Variants in PTPRM observed in about 807,000 individuals in gnomAD.
PTPRM encodes receptor-type tyrosine-protein phosphatase mu.
In PTPRM, 47 loss-of-function variants were observed where a neutral mutation model predicts 186.7. The ratio of observed to expected loss-of-function variants is 0.25; its 90% CI spans 0.20 to 0.32. The LOEUF (loss-of-function observed/expected upper bound fraction) is 0.32. Ranked by LOEUF, PTPRM falls within the 10% of genes least tolerant of loss-of-function variation. The pLI is 1.00. For missense variants in PTPRM, 1,494 were observed against 1,865.0 expected (o/e 0.80, Z 3.66); for synonymous variants, 668 against 674.9 (o/e 0.99, Z 0.16).
chr18:7,860,203 G>C (rs2047300079), intron 2 of PTPRM, among the ~76,000 whole-genome samples: 1 of 151,970 alleles, frequency 6.6e-6, no homozygotes, highest in Non-Finnish European at 1.5e-5. Flanking sequence ...CTCCCAAGTA[G>C]TTGGGATTAC....
At chr18:8,289,069 A>G (rs1178134879) in intron 19 of PTPRM, among the ~76,000 whole-genome samples, 2 of 152,148 alleles carry the variant, frequency 1.3e-5, no homozygotes, top group East Asian at 3.9e-4. Flanking sequence ...TTGAGGCCAA[A>G]TGGAGGCGCA....
At chr18:7,595,819 T>G (rs946196484) in intron 1 of PTPRM, among the ~76,000 whole-genome samples, 2 of 152,192 alleles carry the variant, frequency 1.3e-5, no homozygotes, top group African/African-American at 4.8e-5. Context: ...GCTGAAGCCA[T>G]TTGAGGCTTG....
chr18:8,157,479 A>G (rs1267085197), intron 14 of PTPRM, among the ~76,000 whole-genome samples: 1 of 152,198 alleles, frequency 6.6e-6, no homozygotes, highest in Non-Finnish European at 1.5e-5. Flanking sequence ...ACCCAAAGAA[A>G]CACACGGGAT....
chr18:7,987,334 C>T (rs2083017928), intron 7 of PTPRM, among the ~76,000 whole-genome samples: 1 of 152,190 alleles, frequency 6.6e-6, no homozygotes, highest in Admixed American at 6.5e-5. Context: ...TGGGTTGAAG[C>T]TGGCTAAGCC....
intron 2 of PTPRM, among the ~76,000 whole-genome samples, chr18:7,853,467 C>T (rs2046959623): frequency 6.6e-6 from 1 of 152,250 alleles, no homozygotes; most frequent in Non-Finnish European, 1.5e-5. Flanking sequence ...AGAAGTCTTA[C>T]CCCAGAGTAC....
At chr18:7,938,258 T>G (rs2051952569) in intron 5 of PTPRM, among the ~76,000 whole-genome samples, 1 of 152,192 alleles carries the variant, frequency 6.6e-6, no homozygotes, top group Non-Finnish European at 1.5e-5. Flanking sequence ...TTTAACCTCC[T>G]TTATCTTACA....
intron 2 of PTPRM, among the ~76,000 whole-genome samples, chr18:7,869,250 A>G (rs2047866384): frequency 6.6e-6 from 1 of 152,154 alleles, no homozygotes; most frequent in African/African-American, 2.4e-5. Flanking sequence ...GGTATGAAAC[A>G]AAACTCCTGC....
chr18:8,227,968 G>A (rs2094235437), intron 14 of PTPRM, among the ~76,000 whole-genome samples: 2 of 152,154 alleles, frequency 1.3e-5, no homozygotes. Flanking sequence ...GCTGTGATGT[G>A]AGAAATAAAA....
At position 8,162,266 on chromosome 18, in the gene PTPRM, A is replaced by AT. The variant is rs1391793638; in HGVS notation, c.2300+18493dup. On this transcript the variant is annotated intron_variant, in intron 14 of 32. Coordinates refer to ENST00000580170, the MANE Select transcript of PTPRM (RefSeq NM_001105244.2). ...AGGCACATGCCACCACGCCCAGCTA[A>AT]TTTTTTACATTTTTAGTACAAACAG... Among the ~76,000 whole-genome samples, 5 of 151,930 alleles carry AT rather than the reference A, an allele frequency of 3.3e-5. No homozygotes were observed. The South Asian group carries it at 1.0e-3, about 32-fold the overall frequency.
intron 7 of PTPRM, among the ~76,000 whole-genome samples, chr18:8,051,108 G>C (rs544275132): frequency 6.6e-6 from 1 of 152,124 alleles, no homozygotes; most frequent in African/African-American, 2.4e-5. Flanking sequence ...ACTCCATCCC[G>C]TGGGGGTATC....
intron 22 of PTPRM, among the ~76,000 whole-genome samples, chr18:8,337,160 C>T (rs533806078): frequency 6.6e-6 from 1 of 152,072 alleles, no homozygotes; most frequent in African/African-American, 2.4e-5. Context: ...TGCCTTAGAT[C>T]GTCTTTATGT....
intron 1 of PTPRM, among the ~76,000 whole-genome samples, chr18:7,700,993 A>G (rs112568550): frequency 4.8e-4 from 52 of 107,320 alleles, no homozygotes; most frequent in East Asian, 1.3e-3. Flanking sequence ...AAAAAAAAAA[A>G]AAAGAAAGAA....
chr18:7,598,463 C>T (rs561124504), intron 1 of PTPRM, among the ~76,000 whole-genome samples: 1 of 152,346 alleles, frequency 6.6e-6, no homozygotes, highest in African/African-American at 2.4e-5. Flanking sequence ...TATTGATCAT[C>T]TACTGCAGGC....
intron 7 of PTPRM, among the ~76,000 whole-genome samples, chr18:8,009,616 G>C (rs1398955762): frequency 6.6e-6 from 1 of 152,134 alleles, no homozygotes; most frequent in East Asian, 1.9e-4. Context: ...TCTGAGGCAG[G>C]AGAATCGCTT....
rs187150814 is a variant in PTPRM at position 7,717,402 on chromosome 18, T to A, written c.74-56747T>A. Among the ~76,000 whole-genome samples the A allele has an allele frequency of 4.1e-3, 619 of 152,192 alleles. 12 individuals are homozygous for A. Among genetic ancestry groups the A allele is most frequent in the Admixed American group, 0.037 (561 of 15,280 alleles). On this transcript the variant is annotated intron_variant, in intron 1 of 32. Coordinates refer to ENST00000580170, the MANE Select transcript of PTPRM (RefSeq NM_001105244.2). ...GAGACGGCTGGACTTGAGGGAAAGATTACCTACCTGCCCCATCCCCTTTTT... is the reference window on the plus strand; with the variant it reads ...GAGACGGCTGGACTTGAGGGAAAGAATACCTACCTGCCCCATCCCCTTTTT...
intron 1 of PTPRM, among the ~76,000 whole-genome samples, chr18:7,658,359 T>TATATACAC (rs1491198247): frequency 7.3e-6 from 1 of 136,664 alleles, no homozygotes; most frequent in African/African-American, 2.9e-5. Flanking sequence ...TATATATATA[T>TATATACAC]ACATACACAC....
intron 13 of PTPRM, among the ~76,000 whole-genome samples, chr18:8,123,711 C>T (rs539830263): frequency 6.6e-6 from 1 of 152,104 alleles, no homozygotes; most frequent in East Asian, 1.9e-4. Flanking sequence ...ATAAGTCCTC[C>T]CCTCTAAAAC....
At chr18:8,205,209 G>A (rs2146889538) in intron 14 of PTPRM, among the ~76,000 whole-genome samples, 1 of 152,208 alleles carries the variant, frequency 6.6e-6, no homozygotes, top group East Asian at 1.9e-4. Context: ...TATTCACTCA[G>A]TATGCAAAGA....
At chr18:8,094,234 G>A (rs997444262) in intron 11 of PTPRM, among the ~76,000 whole-genome samples, 1 of 152,150 alleles carries the variant, frequency 6.6e-6, no homozygotes, top group Non-Finnish European at 1.5e-5. Context: ...CTGGCCAGGT[G>A]CAGTGGCCCA....
Sources: gnomAD v4.1 joint callset for allele counts (sites outside exome capture counted in the v4.1 genomes callset) on GRCh38, gnomAD v4.1.1 for gene constraint, MANE v1.5 for transcripts, NCBI Gene and HGNC (gene_info 2026-07-23, HGNC 2026-07-21) for gene names.